NEGR1: variants seen among roughly 807,000 people sequenced by gnomAD.
NEGR1 encodes neuronal growth regulator 1.
A neutral mutation model predicts 40.9 loss-of-function variants in NEGR1; 10 were observed. That is an observed-to-expected ratio of 0.24 (90% CI 0.15 to 0.42). The LOEUF is 0.42. Among genes scored for constraint, NEGR1 ranks in the 10% least tolerant of loss-of-function variants. The pLI, the probability that NEGR1 is intolerant of heterozygous loss-of-function variation, is 1.00. For missense variants in NEGR1, 352 were observed against 438.9 expected (o/e 0.80, Z 1.77); for synonymous variants, 185 against 166.8 (o/e 1.11, Z -0.84).
At chr1:71,655,119 G>A (rs1340409759) in intron 4 of NEGR1, among the ~76,000 whole-genome samples, 2 of 152,136 alleles carry the variant, frequency 1.3e-5, no homozygotes, top group African/African-American at 4.8e-5. Context: ...TATTAAGTAT[G>A]CTTGTATTCA....
At chr1:71,608,750 G>T (rs1194451640) in intron 5 of NEGR1, among the ~76,000 whole-genome samples, 1 of 152,158 alleles carries the variant, frequency 6.6e-6, no homozygotes, top group Non-Finnish European at 1.5e-5. Flanking sequence ...CTCCTGCAAT[G>T]ATGTCCTAAT....
At chr1:71,980,592 T>A (rs1394709836) in intron 1 of NEGR1, among the ~76,000 whole-genome samples, 3 of 152,142 alleles carry the variant, frequency 2.0e-5, no homozygotes, top group Non-Finnish European at 4.4e-5. Flanking sequence ...GCTTTAAAAG[T>A]CCCTTTAATG....
chr1:72,204,453 T>C (rs1653324449), intron 1 of NEGR1, among the ~76,000 whole-genome samples: 1 of 152,126 alleles, frequency 6.6e-6, no homozygotes, highest in Non-Finnish European at 1.5e-5. Context: ...CAGTCAATAG[T>C]CATCGTATCA....
At chr1:71,760,195 CT>C (rs1024859626) in intron 3 of NEGR1, among the ~76,000 whole-genome samples, 17 of 151,964 alleles carry the variant, frequency 1.1e-4, no homozygotes, top group African/African-American at 3.9e-4. Context: ...TGGGTTCCTC[CT>C]TTTTGTTTTT....
chr1:72,261,708 C>T (rs1340273155), intron 1 of NEGR1, among the ~76,000 whole-genome samples: 1 of 151,926 alleles, frequency 6.6e-6, no homozygotes, highest in Admixed American at 6.6e-5. Flanking sequence ...GAAATCAAGT[C>T]TTTACAACAT....
intron 1 of NEGR1, among the ~76,000 whole-genome samples, chr1:72,070,284 T>C (rs1163833497): frequency 6.6e-6 from 1 of 152,052 alleles, no homozygotes; most frequent in Non-Finnish European, 1.5e-5. Context: ...TTTTAAATTA[T>C]AGCTTAATGT....
chr1:72,199,150 C>G (rs2821286), intron 1 of NEGR1, among the ~76,000 whole-genome samples: 42,094 of 114,518 alleles, frequency 0.37, 6,544 homozygotes, highest in African/African-American at 0.44. Flanking sequence ...GATAGACAGA[C>G]AGAGAGAGAG....
chr1:71,691,451 C>T (rs77841084), intron 4 of NEGR1, among the ~76,000 whole-genome samples: 1,560 of 151,614 alleles, frequency 0.01, 21 homozygotes, highest in Non-Finnish European at 0.019. Flanking sequence ...AAGTTTCCTT[C>T]ATATTTCTTA....
chr1:71,932,751 T>C (rs1159398904), intron 2 of NEGR1, among the ~76,000 whole-genome samples: 1 of 152,082 alleles, frequency 6.6e-6, no homozygotes, highest in Non-Finnish European at 1.5e-5. Context: ...GTCAGATTGT[T>C]AGGCAAAGAG....
intron 1 of NEGR1, among the ~76,000 whole-genome samples, chr1:71,972,640 T>C (rs1040173972): frequency 3.3e-5 from 5 of 152,158 alleles, no homozygotes; most frequent in African/African-American, 1.2e-4. Context: ...TTCAAAATCT[T>C]ACCAAATAGC....
At chr1:72,117,905 G>T (rs564938551) in intron 1 of NEGR1, among the ~76,000 whole-genome samples, 15 of 151,838 alleles carry the variant, frequency 9.9e-5, no homozygotes, top group Middle Eastern at 3.4e-3. Context: ...GTATGGCAAA[G>T]AAATTCTGTG....
intron 6 of NEGR1, among the ~76,000 whole-genome samples, chr1:71,477,198 T>TAA (rs1438641068): frequency 4.3e-4 from 65 of 152,260 alleles, no homozygotes; most frequent in African/African-American, 1.5e-3. Context: ...TGCTTAATAT[T>TAA]GGTAATACAA....
At chr1:71,605,940 T>C (rs1650061900) in intron 5 of NEGR1, among the ~76,000 whole-genome samples, 1 of 152,104 alleles carries the variant, frequency 6.6e-6, no homozygotes, top group South Asian at 2.1e-4. Context: ...ATATAAAAAA[T>C]ACTTAGATAA....
At chr1:71,582,841 T>C (rs547031798) in intron 6 of NEGR1, among the ~76,000 whole-genome samples, 3 of 152,322 alleles carry the variant, frequency 2.0e-5, no homozygotes, top group East Asian at 3.9e-4. Flanking sequence ...GTAATTCAAT[T>C]GCAGGCAGAA....
chr1:71,509,907 C>G (rs1324696052), intron 6 of NEGR1, among the ~76,000 whole-genome samples: 1 of 152,170 alleles, frequency 6.6e-6, no homozygotes, highest in Non-Finnish European at 1.5e-5. Flanking sequence ...GGGAAACAGG[C>G]TTGTGCTAGA....
chr1:71,713,295 C>G (rs1478328370), intron 3 of NEGR1, among the ~76,000 whole-genome samples: 1 of 152,178 alleles, frequency 6.6e-6, no homozygotes, highest in African/African-American at 2.4e-5. Flanking sequence ...TGCATTTTAG[C>G]ACTAGGAAAA....
intron 3 of NEGR1, among the ~76,000 whole-genome samples, chr1:71,712,772 G>C (rs569645038): frequency 2.0e-5 from 3 of 152,094 alleles, no homozygotes; most frequent in African/African-American, 7.2e-5. Context: ...TGGATCATGG[G>C]GTCAGATTTA....
chr1:71,487,741 A>T (rs1419401031), intron 6 of NEGR1, among the ~76,000 whole-genome samples: 1 of 149,904 alleles, frequency 6.7e-6, no homozygotes, highest in Admixed American at 6.7e-5. Context: ...CATTCATTAG[A>T]TTTTTTTTTT....
rs1491388751 is a variant in NEGR1, at chr1:72,055,811, T to TAA, written c.177-120502_177-120501dup. On this transcript the variant is annotated intron_variant, in intron 1 of 6. Transcript: ENST00000357731. ...ATATTATATATATTATATATATATA[T>TAA]AATCTGTACAACTCATTTATTTAGC... 2.7e-5 allele frequency among the ~76,000 whole-genome samples: 4 copies of TAA among 146,722 alleles called. No individual in the cohort carries two copies. The South Asian group carries it at 6.3e-4, about 23-fold the overall frequency.
Sources: gnomAD v4.1 joint callset for allele counts (sites outside exome capture counted in the v4.1 genomes callset) on GRCh38, gnomAD v4.1.1 for gene constraint, MANE v1.5 for transcripts, NCBI Gene and HGNC (gene_info 2026-07-23, HGNC 2026-07-21) for gene names.